The following COL9A1 variants were observed in gnomAD, a reference collection of about 807,000 sequenced individuals.
The protein encoded by COL9A1 is collagen type IX alpha 1 chain.
A neutral mutation model predicts 142.6 loss-of-function variants in COL9A1; 104 were observed. The ratio of observed to expected loss-of-function variants is 0.73; its 90% CI spans 0.62 to 0.86. COL9A1 has a LOEUF of 0.86. Among genes scored for constraint, COL9A1 ranks in the 40% least tolerant of loss-of-function variants. The pLI, the probability that COL9A1 is intolerant of heterozygous loss-of-function variation, is 0.00. For missense variants in COL9A1, 1,210 were observed against 1,176.6 expected, an observed-to-expected ratio of 1.03 and a Z score of -0.42; for synonymous variants, 466 against 396.0, an observed-to-expected ratio of 1.18 and a Z score of -2.10.
At chr6:70,217,693 C>T (rs962135012) in intron 37 of COL9A1, among the ~76,000 whole-genome samples, 2 of 152,090 alleles carry the variant, frequency 1.3e-5, no homozygotes, top group African/African-American at 4.8e-5. Flanking sequence ...GAGCAACATC[C>T]GGGCAGGGAG....
intron 4 of COL9A1, 142 bp downstream of exon 4, chr6:70,299,901 G>C: frequency 1.3e-6 from 1 of 759,938 alleles, no homozygotes; most frequent in South Asian, 1.7e-5. Flanking sequence ...CTGAAGATAG[G>C]CAGGTAAATA....
At chr6:70,228,720 T>A (rs1407308178) in intron 36 of COL9A1, among the ~76,000 whole-genome samples, 2 of 152,170 alleles carry the variant, frequency 1.3e-5, no homozygotes, top group Non-Finnish European at 1.5e-5. Flanking sequence ...GTTTTTATGA[T>A]AAACTACATT....
chr6:70,282,366 G>A (rs898173221), intron 7 of COL9A1, among the ~76,000 whole-genome samples: 6 of 152,240 alleles, frequency 3.9e-5, no homozygotes, highest in African/African-American at 1.4e-4. Context: ...CCTCGCGCAG[G>A]AGGCGGGAGG....
At position 70,216,654 on chromosome 6, in the gene COL9A1, C is replaced by CT. The variant is rs3215859; in HGVS notation, c.*242dup. On this transcript the variant is annotated 3_prime_UTR_variant, in exon 38 of 38. Transcript: ENST00000357250. ...TTATTCAAGGGAGGTGTTTGGTTTTCTTTTTTTTTTTTTAACTGATGACTC... is the reference window on the plus strand; with the variant it reads ...TTATTCAAGGGAGGTGTTTGGTTTTCTTTTTTTTTTTTTTAACTGATGACTC... The CT allele has an allele frequency of 0.23, 109,459 of 477,656 alleles. 4,994 individuals are homozygous for CT. Among genetic ancestry groups the CT allele is most frequent in the East Asian group, 0.32 (8,738 of 26,962 alleles). The allele number at this position is 477,656 out of a possible 1,614,324, so 29.6% of individuals were successfully genotyped here.
Position 70,225,620 on chromosome 6 carries a change from A to G in COL9A1, c.2581+312T>C, listed in dbSNP as rs952922006. On this transcript the variant is annotated intron_variant, in intron 37 of 37. Transcript: ENST00000357250. Reference sequence around the variant, plus strand: ...AAAACAGGAAACTATCACCTGCTTTAGAAATAGATAGGATCCAATTTATTC... The same window carrying G: ...AAAACAGGAAACTATCACCTGCTTTGGAAATAGATAGGATCCAATTTATTC... Among the ~76,000 whole-genome samples the G allele has an allele frequency of 1.4e-4, 22 of 151,846 alleles. No individual in the cohort carries two copies. The East Asian group carries it at 3.9e-3, about 27-fold the overall frequency.
intron 36 of COL9A1, among the ~76,000 whole-genome samples, chr6:70,228,272 A>C (rs1048867828): frequency 9.2e-5 from 14 of 152,124 alleles, no homozygotes; most frequent in African/African-American, 3.4e-4. Context: ...GGGATTTAGC[A>C]GCCACAGAAC....
In COL9A1 at chr6:70,283,747, G is replaced by T. The variant is rs867841764; in HGVS notation, c.770C>A (p.Ala257Asp). 2 of 1,611,074 alleles carry T rather than the reference G, an allele frequency of 1.2e-6. No individual in the cohort carries two copies. The highest frequency in any genetic ancestry group is 2.2e-5 in the South Asian group (2 of 90,076). The change falls in exon 6 of 38, where the codon GCC becomes GAC. Residue 257 changes from alanine (A) to aspartate (D), a missense_variant. Coordinates refer to ENST00000357250, the MANE Select transcript of COL9A1 (RefSeq NM_001851.6). ...AGTCAGGGGACTCACCGTTATTCTG[G>T]CTGGCAGCTCATGGCAAGTTTCTCT... is the stretch of plus-strand genomic sequence containing the variant. The part of the protein sequence containing the change: ...PRRETCHELP[A>D]RITPSQTTDE...
At position 70,281,408 on chromosome 6, in the gene COL9A1, T is replaced by G. The variant is rs781351855; in HGVS notation, c.858A>C (p.Pro286=). ...PPGPPGPPGV[P]GIDGIDGDRG... Reference sequence around the variant, plus strand: ...AACTTACGTCGATGCCATCGATGCCTGGAACTCCAGGGGGGCCCGGAGGCC... The same window carrying G: ...AACTTACGTCGATGCCATCGATGCCGGGAACTCCAGGGGGGCCCGGAGGCC... The change falls in exon 8 of 38, where the codon CCA becomes CCC. Residue 286 remains proline (P), a synonymous_variant. Coordinates refer to ENST00000357250, the MANE Select transcript of COL9A1 (RefSeq NM_001851.6). The G allele has an allele frequency of 6.2e-7, 1 of 1,613,534 alleles. No individual in the cohort carries two copies.
intron 28 of COL9A1, among the ~76,000 whole-genome samples, chr6:70,246,795 G>A (rs867858626): frequency 2.6e-5 from 4 of 152,206 alleles, no homozygotes; most frequent in Admixed American, 1.3e-4. Context: ...AGGCATATGC[G>A]AGGGTGGAAA....
intron 36 of COL9A1, among the ~76,000 whole-genome samples, chr6:70,227,360 A>C (rs979683289): frequency 6.7e-6 from 1 of 149,688 alleles, no homozygotes; most frequent in East Asian, 1.9e-4. Flanking sequence ...AGGAAGTAAA[A>C]ATGGCTCTTA....
chr6:70,281,096 C>T, intron 8 of COL9A1, 57 bp from the exon 9 acceptor site: 2 of 1,434,776 alleles, frequency 1.4e-6, no homozygotes, highest in Non-Finnish European at 1.9e-6. Context: ...GCTGAGGACC[C>T]CACTGGGACA....
Position 70,269,663 on chromosome 6 carries a change from T to C in COL9A1, c.1200A>G (p.Gly400=). The C allele has an allele frequency of 6.3e-7, 1 of 1,585,370 alleles. No homozygotes were observed. The highest frequency in any genetic ancestry group is 1.7e-4 in the Middle Eastern group (1 of 5,988). Reference sequence around the variant, plus strand: ...GATCTCCATCATGAAAGCCAATTGTTCCCTAAAGTAAACAAAATATTAAGG... The same window carrying C: ...GATCTCCATCATGAAAGCCAATTGTCCCCTAAAGTAAACAAAATATTAAGG... ...PGPPGPPGPR[G]TIGFHDGDPL... The change falls in exon 16 of 38, where the codon GGA becomes GGG. Residue 400 remains glycine (G), a splice_region_variant and synonymous_variant. Transcript: ENST00000357250.
intron 5 of COL9A1, among the ~76,000 whole-genome samples, chr6:70,292,428 G>T (rs1298078836): frequency 6.6e-6 from 1 of 152,138 alleles, no homozygotes; most frequent in Non-Finnish European, 1.5e-5. Flanking sequence ...CAGGTTTCTG[G>T]TTACACTCCT....
intron 35 of COL9A1, 149 bp from the exon 36 acceptor site, chr6:70,232,920 T>C: frequency 1.2e-6 from 1 of 846,882 alleles, no homozygotes; most frequent in Non-Finnish European, 1.9e-6. Context: ...TTGGATAATT[T>C]CTCTGTGGGC....
chr6:70,262,217 C>T (rs1583285144), intron 19 of COL9A1, among the ~76,000 whole-genome samples: 1 of 151,830 alleles, frequency 6.6e-6, no homozygotes, highest in South Asian at 2.1e-4. Flanking sequence ...CTCCTACCTG[C>T]GAAAGAGTCC....
At chr6:70,234,038 T>C (rs916457683) in intron 35 of COL9A1, among the ~76,000 whole-genome samples, 2 of 152,224 alleles carry the variant, frequency 1.3e-5, no homozygotes, top group African/African-American at 4.8e-5. Context: ...ATAATTTTGG[T>C]AAATGCTGGT....
chr6:70,287,440 T>C (rs1043542135), intron 5 of COL9A1, among the ~76,000 whole-genome samples: 1 of 152,192 alleles, frequency 6.6e-6, no homozygotes, highest in African/African-American at 2.4e-5. Context: ...CCTAATCCTT[T>C]GAGGCAGAAG....
Position 70,242,723 on chromosome 6 carries a change from AAC to A in COL9A1, c.1873-10_1873-9del. The A allele has an allele frequency of 6.2e-7, 1 of 1,613,796 alleles. No homozygotes were observed. On this transcript the variant is annotated splice_polypyrimidine_tract_variant and intron_variant, in intron 28 of 37. Transcript: ENST00000357250. ...TAATTCTCCTCTACTGCCCTGTAAA[AAC>A]ACAAACATTGTCAATTGGATATTTT...
intron 37 of COL9A1, among the ~76,000 whole-genome samples, chr6:70,221,535 C>G (rs1562284383): frequency 6.6e-6 from 1 of 152,154 alleles, no homozygotes; most frequent in Non-Finnish European, 1.5e-5. Flanking sequence ...ACTCAATAGT[C>G]TCAAGCAAAG....
Sources: allele counts gnomAD v4.1 joint callset (sites outside exome capture counted in the v4.1 genomes callset), GRCh38; gene constraint gnomAD v4.1.1; transcripts MANE v1.5; gene names NCBI Gene and HGNC (gene_info 2026-07-23, HGNC 2026-07-21).